The following RAB30 variants were observed in gnomAD, a reference collection of about 807,000 sequenced individuals.
RAB30 encodes ras-related protein Rab-30.
RAB30 carries 9 observed loss-of-function variants against 25.1 expected under a neutral mutation model. The observed-to-expected ratio is 0.36, with a 90% CI of 0.22 to 0.63. The LOEUF (loss-of-function observed/expected upper bound fraction) is 0.63, where lower values mean the gene tolerates loss of function less well. Among genes scored for constraint, RAB30 ranks in the 20% least tolerant of loss-of-function variants. The pLI is 0.69. For synonymous variants in RAB30, 77 were observed against 86.4 expected, an observed-to-expected ratio of 0.89 and a Z score of 0.60; for missense variants, 140 against 243.5, an observed-to-expected ratio of 0.58 and a Z score of 2.83.
At chr11:83,005,578 C>T (rs1447918123) in intron 1 of RAB30, among the ~76,000 whole-genome samples, 1 of 152,036 alleles carries the variant, frequency 6.6e-6, no homozygotes, top group Non-Finnish European at 1.5e-5. Flanking sequence ...ACTCCTTATA[C>T]TAAAATAAAT....
chr11:83,005,895 C>A (rs1857173833), intron 1 of RAB30, among the ~76,000 whole-genome samples: 1 of 150,718 alleles, frequency 6.6e-6, no homozygotes, highest in Admixed American at 6.6e-5. Context: ...AAAAAATAGG[C>A]TAAGGACATG....
At chr11:83,023,566 G>C (rs553239943) in intron 1 of RAB30, among the ~76,000 whole-genome samples, 1 of 152,120 alleles carries the variant, frequency 6.6e-6, no homozygotes, top group African/African-American at 2.4e-5. Flanking sequence ...CCAGTGCTGA[G>C]AGCCCCAGCT....
intron 1 of RAB30, among the ~76,000 whole-genome samples, chr11:83,007,882 T>C (rs1857219508): frequency 6.6e-6 from 1 of 152,070 alleles, no homozygotes; most frequent in East Asian, 1.9e-4. Context: ...TTTGTTAAAC[T>C]GCCCTAAAAA....
In RAB30 at chr11:82,991,498, C is replaced by A. The variant is rs988469652; in HGVS notation, c.177+2541G>T. Among the ~76,000 whole-genome samples the A allele has an allele frequency of 6.0e-5, 8 of 134,018 alleles. No individual in the cohort carries two copies. In the Admixed American group the frequency reaches 6.3e-4, roughly 11 times the overall value. The allele number at this position is 134,018 out of a possible 152,430, so 87.9% of individuals were successfully genotyped here. A position where few individuals can be genotyped will look rare whatever the true frequency, so the allele number is the denominator to read the frequency against. The stretch of plus-strand genomic sequence containing the variant: ...CTCCAGCCTAGGCAACAGAGCAAGA[C>A]CCTTTCTCAAAAAAAAAAAAAAAAA... On this transcript the variant is annotated intron_variant, in intron 3 of 4. Coordinates refer to ENST00000527633, the MANE Select transcript of RAB30 (RefSeq NM_001286060.2).
rs11233398 is a variant in RAB30, at chr11:82,980,910, A to G, written c.*1255T>C. 85,009 of 151,970 alleles carry G rather than the reference A, an allele frequency of 0.56. 24,509 individuals carry two copies. The highest frequency in any genetic ancestry group is 0.71 in the African/African-American group (29,594 of 41,454). 9.4% of individuals were successfully genotyped at this position (151,970 alleles called of 1,614,324 possible). A position where few individuals can be genotyped will look rare whatever the true frequency, so the allele number is the denominator to read the frequency against. Reference sequence around the variant, plus strand: ...AAAAGAGAAAGAAAAAAGAAAGAACATATGGTTAAGCGTCTGAAGGTAACA... The same window carrying G: ...AAAAGAGAAAGAAAAAAGAAAGAACGTATGGTTAAGCGTCTGAAGGTAACA... On this transcript the variant is annotated 3_prime_UTR_variant, in exon 5 of 5. Transcript: ENST00000527633.
chr11:83,011,588 T>C (rs946525895), intron 1 of RAB30, among the ~76,000 whole-genome samples: 1 of 152,258 alleles, frequency 6.6e-6, no homozygotes, highest in Non-Finnish European at 1.5e-5. Flanking sequence ...TAGTTGGAAT[T>C]AGAAAGGCAT....
intron 1 of RAB30, among the ~76,000 whole-genome samples, chr11:83,067,985 G>A (rs1168846694): frequency 1.3e-5 from 2 of 151,938 alleles, no homozygotes; most frequent in African/African-American, 4.8e-5. Flanking sequence ...AAAATTAGCT[G>A]GGAGTGGTGG....
At chr11:83,017,238 G>A (rs1857459042) in intron 1 of RAB30, among the ~76,000 whole-genome samples, 1 of 152,120 alleles carries the variant, frequency 6.6e-6, no homozygotes, top group African/African-American at 2.4e-5. Context: ...ACTAGAGGGT[G>A]AAGTGGGAAT....
chr11:83,009,266 A>G (rs1857254891), intron 1 of RAB30, among the ~76,000 whole-genome samples: 1 of 152,060 alleles, frequency 6.6e-6, no homozygotes, highest in Admixed American at 6.5e-5. Flanking sequence ...GGGTTTCACC[A>G]TGTTCGCCAG....
intron 1 of RAB30, among the ~76,000 whole-genome samples, chr11:83,062,120 C>T (rs1858597025): frequency 6.6e-6 from 1 of 152,078 alleles, no homozygotes; most frequent in Non-Finnish European, 1.5e-5. Flanking sequence ...GCTACAGAAA[C>T]AGTATAGTTT....
At chr11:83,065,768 C>T (rs1304640997) in intron 1 of RAB30, among the ~76,000 whole-genome samples, 3 of 152,150 alleles carry the variant, frequency 2.0e-5, no homozygotes, top group Admixed American at 6.5e-5. Context: ...ACCAGCTATA[C>T]CAAGCATAGT....
At chr11:83,006,292 G>A (rs980016523) in intron 1 of RAB30, among the ~76,000 whole-genome samples, 3 of 152,148 alleles carry the variant, frequency 2.0e-5, no homozygotes, top group Admixed American at 6.5e-5. Context: ...ATTTGGAATA[G>A]CAATTATAAA....
At chr11:83,068,191 G>C (rs1341925899) in intron 1 of RAB30, among the ~76,000 whole-genome samples, 1 of 151,616 alleles carries the variant, frequency 6.6e-6, no homozygotes, top group East Asian at 1.9e-4. Context: ...CCAGACAATA[G>C]GGAGGCTGAG....
At chr11:83,068,040 G>A (rs1358444216) in intron 1 of RAB30, among the ~76,000 whole-genome samples, 8 of 151,458 alleles carry the variant, frequency 5.3e-5, no homozygotes, top group East Asian at 3.9e-4. Flanking sequence ...CAGGAGAATC[G>A]CTTGAATCCA....
intron 4 of RAB30, among the ~76,000 whole-genome samples, 156 bp from the exon 5 acceptor site, chr11:82,982,571 A>G (rs1309207221): frequency 6.6e-6 from 1 of 152,174 alleles, no homozygotes; most frequent in Non-Finnish European, 1.5e-5. Flanking sequence ...TTACTTTAAA[A>G]TATGAGTGCC....
intron 1 of RAB30, among the ~76,000 whole-genome samples, chr11:83,066,641 C>A (rs1858704286): frequency 6.6e-6 from 1 of 152,204 alleles, no homozygotes; most frequent in South Asian, 2.1e-4. Flanking sequence ...GCTTCCGCCT[C>A]CTGGGTTGAA....
At chr11:83,065,826 C>A (rs558733297) in intron 1 of RAB30, among the ~76,000 whole-genome samples, 2 of 152,282 alleles carry the variant, frequency 1.3e-5, no homozygotes, top group East Asian at 3.9e-4. Flanking sequence ...CTCCCAACAA[C>A]CTTACAAAGA....
chr11:83,029,430 T>C (rs1390041507), intron 1 of RAB30, among the ~76,000 whole-genome samples: 1 of 151,808 alleles, frequency 6.6e-6, no homozygotes, highest in Non-Finnish European at 1.5e-5. Flanking sequence ...TGAGACAGGG[T>C]CTCGCTCTGT....
At chr11:83,050,335 C>T (rs9971396) in intron 1 of RAB30, among the ~76,000 whole-genome samples, 3,971 of 152,172 alleles carry the variant, frequency 0.026, 140 homozygotes, top group African/African-American at 0.082. Flanking sequence ...CTCAACACCC[C>T]GCTCCCCTTA....
Sources: gnomAD v4.1 joint callset for allele counts (sites outside exome capture counted in the v4.1 genomes callset) on GRCh38, gnomAD v4.1.1 for gene constraint, MANE v1.5 for transcripts, NCBI Gene and HGNC (gene_info 2026-07-23, HGNC 2026-07-21) for gene names.